Variants in PLEKHM3 observed in about 807,000 individuals in gnomAD.
The protein encoded by PLEKHM3 is pleckstrin homology domain containing M3, also known as pleckstrin homology domain-containing family M member 3.
A neutral mutation model predicts 81.8 loss-of-function variants in PLEKHM3; 45 were observed. That is an observed-to-expected ratio of 0.55 (90% CI 0.43 to 0.71). The LOEUF (loss-of-function observed/expected upper bound fraction) is 0.71, where lower values mean the gene tolerates loss of function less well. Among genes scored for constraint, PLEKHM3 ranks in the 30% least tolerant of loss-of-function variants. The pLI, the probability that PLEKHM3 is intolerant of heterozygous loss-of-function variation, is 0.00. For synonymous variants in PLEKHM3, 352 were observed against 356.4 expected, an observed-to-expected ratio of 0.99 and a Z score of 0.14; for missense variants, 788 against 924.3, an observed-to-expected ratio of 0.85 and a Z score of 1.91.
chr2:208,006,363 G>T (rs1385364266), intron 1 of PLEKHM3, among the ~76,000 whole-genome samples: 1 of 152,182 alleles, frequency 6.6e-6, no homozygotes, highest in Non-Finnish European at 1.5e-5. Context: ...AAAGTGAAGG[G>T]AATAAGATCA....
chr2:207,974,375 A>G (rs909668051), intron 3 of PLEKHM3, among the ~76,000 whole-genome samples: 1 of 152,196 alleles, frequency 6.6e-6, no homozygotes, highest in Non-Finnish European at 1.5e-5. Context: ...TGCAGTGCAG[A>G]GCATGGGCAG....
chr2:207,971,904 T>A (rs2106019417), intron 3 of PLEKHM3, among the ~76,000 whole-genome samples: 1 of 152,366 alleles, frequency 6.6e-6, no homozygotes, highest in Admixed American at 6.5e-5. Flanking sequence ...AAATGTAATC[T>A]GAACTGTCTT....
intron 4 of PLEKHM3, 116 bp from the exon 5 acceptor site, chr2:207,931,235 C>T: frequency 9.9e-7 from 1 of 1,008,446 alleles, no homozygotes; most frequent in South Asian, 1.9e-5. Context: ...TCAATACAGA[C>T]AAATGAAAAA....
intron 7 of PLEKHM3, 48 bp downstream of exon 7, chr2:207,861,057 G>A: frequency 6.3e-7 from 1 of 1,591,512 alleles, no homozygotes. Flanking sequence ...AAAGAAAATG[G>A]CATATTACAC....
At chr2:207,953,221 A>C (rs1328330331) in intron 3 of PLEKHM3, among the ~76,000 whole-genome samples, 4 of 152,294 alleles carry the variant, frequency 2.6e-5, no homozygotes, top group South Asian at 2.1e-4. Context: ...AGACTGCAAC[A>C]CTTCAAAATT....
At chr2:208,019,180 C>G (rs1000894312) in intron 1 of PLEKHM3, among the ~76,000 whole-genome samples, 1 of 151,998 alleles carries the variant, frequency 6.6e-6, no homozygotes, top group African/African-American at 2.4e-5. Context: ...GGGGCGTGAA[C>G]CTATAGTCCT....
chr2:207,830,607 C>CA (rs10685657), intron 7 of PLEKHM3, among the ~76,000 whole-genome samples: 2,689 of 127,456 alleles, frequency 0.021, 100 homozygotes, highest in African/African-American at 0.067. Context: ...AACTCTGTCT[C>CA]AAAAAAAAAA....
chr2:207,885,498 A>C (rs1687859538), intron 6 of PLEKHM3, among the ~76,000 whole-genome samples: 1 of 152,224 alleles, frequency 6.6e-6, no homozygotes, highest in African/African-American at 2.4e-5. Flanking sequence ...CAAAGCAGGA[A>C]ATAAAGAAGC....
rs1688566575 is a variant in PLEKHM3, at chr2:207,905,316, T to C, written c.1950+3198A>G. Among the ~76,000 whole-genome samples, 3 of 152,298 alleles carry C rather than the reference T, an allele frequency of 2.0e-5. No individual in the cohort carries two copies. The East Asian group carries it at 5.8e-4, about 29-fold the overall frequency. ...GAAAAATCAAACAGGGAAAATAATT[T>C]ACTCTAAAACGCCTGAAACTGACAA... On this transcript the variant is annotated intron_variant, in intron 6 of 7. Transcript: ENST00000427836.
chr2:207,847,448 C>T (rs1389151406), intron 7 of PLEKHM3, among the ~76,000 whole-genome samples: 1 of 152,136 alleles, frequency 6.6e-6, no homozygotes, highest in African/African-American at 2.4e-5. Flanking sequence ...TAAGAGTGGG[C>T]AGTCAGAGCT....
chr2:207,861,262 C>G lies in PLEKHM3; in HGVS notation c.1951G>C (p.Val651Leu). The G allele has an allele frequency of 6.2e-7, 1 of 1,613,568 alleles. No individual in the cohort carries two copies. ...HLYSLADLQQ[V>L]IEGKLAPFLG... Reference sequence around the variant, plus strand: ...AATGGAGCCAGCTTTCCCTCTATTACCTGCAGAAAGAGAAATGGGACAGGG... The same window carrying G: ...AATGGAGCCAGCTTTCCCTCTATTAGCTGCAGAAAGAGAAATGGGACAGGG... Residue 651 changes from valine to leucine, a missense_variant and splice_region_variant, in exon 7 of 8, where the codon GTA (valine) becomes CTA (leucine). Transcript: ENST00000427836.
At chr2:207,833,187 T>C (rs1320809003) in intron 7 of PLEKHM3, among the ~76,000 whole-genome samples, 1 of 151,796 alleles carries the variant, frequency 6.6e-6, no homozygotes, top group Non-Finnish European at 1.5e-5. Flanking sequence ...ATTTAAAATA[T>C]GATTTAGCAC....
chr2:208,008,743 A>G (rs1692591003), intron 1 of PLEKHM3, among the ~76,000 whole-genome samples: 1 of 152,164 alleles, frequency 6.6e-6, no homozygotes, highest in Admixed American at 6.5e-5. Context: ...CATTCACTGA[A>G]GTTTTCTTCT....
chr2:207,991,961 C>A (rs938133260), intron 2 of PLEKHM3, among the ~76,000 whole-genome samples: 2 of 152,174 alleles, frequency 1.3e-5, no homozygotes, highest in Admixed American at 6.6e-5. Flanking sequence ...CTATTTGTGC[C>A]ACTTTTGGTT....
intron 3 of PLEKHM3, among the ~76,000 whole-genome samples, chr2:207,966,222 G>C (rs1690903260): frequency 6.6e-6 from 1 of 152,216 alleles, no homozygotes; most frequent in Non-Finnish European, 1.5e-5. Flanking sequence ...AAGGCTGAAT[G>C]AATAAATCTC....
At chr2:207,924,331 C>A (rs976521048) in intron 5 of PLEKHM3, among the ~76,000 whole-genome samples, 4 of 152,096 alleles carry the variant, frequency 2.6e-5, no homozygotes, top group African/African-American at 9.7e-5. Flanking sequence ...ACGTTGTCAC[C>A]TTATAGTCAG....
At chr2:207,897,212 T>C (rs911344207) in intron 6 of PLEKHM3, among the ~76,000 whole-genome samples, 1 of 152,158 alleles carries the variant, frequency 6.6e-6, no homozygotes, top group Non-Finnish European at 1.5e-5. Context: ...ATAGCAGGTT[T>C]CTATGGCCTA....
At chr2:208,012,398 T>C (rs1264429350) in intron 1 of PLEKHM3, among the ~76,000 whole-genome samples, 1 of 152,238 alleles carries the variant, frequency 6.6e-6, no homozygotes, top group Admixed American at 6.5e-5. Flanking sequence ...ATTCATTTAT[T>C]GTCAATTGTA....
At chr2:207,841,569 A>T (rs544606120) in intron 7 of PLEKHM3, among the ~76,000 whole-genome samples, 11 of 144,314 alleles carry the variant, frequency 7.6e-5, no homozygotes, top group African/African-American at 2.8e-4. Flanking sequence ...ATTTTACATT[A>T]AAATATTTGA....
Sources: gnomAD v4.1 joint callset for allele counts (sites outside exome capture counted in the v4.1 genomes callset) on GRCh38, gnomAD v4.1.1 for gene constraint, MANE v1.5 for transcripts, NCBI Gene and HGNC (gene_info 2026-07-23, HGNC 2026-07-21) for gene names.